The following GDF10 variants were observed in gnomAD, a reference collection of about 807,000 sequenced individuals.
GDF10 encodes the protein growth differentiation factor 10.
A neutral mutation model predicts 32.1 loss-of-function variants in GDF10; 23 were observed. The observed-to-expected ratio is 0.72, with a 90% confidence interval of 0.52 to 1.02. The LOEUF (loss-of-function observed/expected upper bound fraction) is 1.02, where lower values mean the gene tolerates loss of function less well. Ranked by LOEUF, GDF10 falls within the 50% of genes least tolerant of loss-of-function variation. The pLI, the probability that GDF10 is intolerant of heterozygous loss-of-function variation, is 0.00. For synonymous variants in GDF10, 328 were observed against 303.1 expected (o/e 1.08, Z -0.85); for missense variants, 764 against 673.9 (o/e 1.13, Z -1.48).
rs1250199304 is a variant in GDF10 at position 47,300,231 on chromosome 10, G to C, written c.-421G>C. 1.3e-5 allele frequency among the ~76,000 whole-genome samples: 2 copies of C among 151,764 alleles called. No individual in the cohort carries two copies. Among genetic ancestry groups the C allele is most frequent in the Admixed American group, 1.3e-4 (2 of 15,226 alleles). On this transcript the variant is annotated 5_prime_UTR_variant, in exon 1 of 3. Transcript: ENST00000580279. The stretch of plus-strand genomic sequence containing the variant: ...CGCACGCACACGGCAGCCGGGCCAG[G>C]GACGACCCTGTCAGCTGCAGCCCCA...
chr10:47,310,162 A>C lies in GDF10; in HGVS notation c.686A>C (p.Glu229Ala). 1 of 1,612,076 alleles carries C rather than the reference A, an allele frequency of 6.2e-7. No homozygotes were observed. Among genetic ancestry groups the C allele is most frequent in the Non-Finnish European group, 8.5e-7 (1 of 1,179,474 alleles). Residue 229 changes from glutamate (E) to alanine (A), a missense_variant, in exon 2 of 3, where the codon GAG (glutamate) becomes GCG (alanine). By Grantham distance (107) the Glu-to-Ala change is moderately radical. Transcript: ENST00000580279. ...LLLSAQLDSE[E>A]RDPGVPRPSP... ...CTCTCCGCCCAGCTGGATTCTGAGG[A>C]GAGGGACCCGGGGGTGCCCCGGCCC...
chr10:47,312,561 G>C (rs376936620), intron 2 of GDF10, 40 bp from the exon 3 acceptor site: 67 of 1,388,478 alleles, frequency 4.8e-5, no homozygotes, highest in Non-Finnish European at 6.6e-5. Flanking sequence ...GGTGGGTGAG[G>C]GCGGAGCTGA....
rs1189859487 is a variant in GDF10, at chr10:47,300,352, A to G, written c.-300A>G. 1 of 303,464 alleles carries G rather than the reference A, an allele frequency of 3.3e-6. No homozygotes were observed. The highest frequency in any genetic ancestry group is 6.0e-6 in the Non-Finnish European group (1 of 166,138). 18.8% of individuals were successfully genotyped at this position (303,464 alleles called of 1,614,324 possible). A position where few individuals can be genotyped will look rare whatever the true frequency, so the allele number is the denominator to read the frequency against. On this transcript the variant is annotated 5_prime_UTR_variant, in exon 1 of 3. Coordinates refer to ENST00000580279, the MANE Select transcript of GDF10 (RefSeq NM_004962.5). ...CCGGGCCGGGCGCGCAGTGGGCTAC[A>G]AACTTTCGCGGCGCGAGTCCGCCAA...
At position 47,310,507 on chromosome 10, in the gene GDF10, GC is replaced by G. The variant is rs1555207641; in HGVS notation, c.1033del (p.Gln345ArgfsTer37). The stretch of plus-strand genomic sequence containing the variant: ...GGGCGCAAAGACCGCAGGAAGAAGG[GC>G]CAGGAGGTGTTCATGGCCGCCTCGC... ...RPGRKDRRKKGQEVFMAASQV... is the reference protein window; with the variant it reads ...RPGRKDRRKKXQEVFMAASQV... On this transcript the variant is annotated frameshift_variant, in exon 2 of 3. Transcript: ENST00000580279. LOFTEE classifies it high-confidence loss of function. 6.2e-7 allele frequency: 1 copy of G among 1,613,856 alleles called. No individual in the cohort carries two copies. The highest frequency in any genetic ancestry group is 1.1e-5 in the South Asian group (1 of 91,070).
Position 47,300,476 on chromosome 10 carries a change from G to C in GDF10, c.-176G>C. 1 of 542,232 alleles carries C rather than the reference G, an allele frequency of 1.8e-6. No homozygotes were observed. Among genetic ancestry groups the C allele is most frequent in the Non-Finnish European group, 3.1e-6 (1 of 320,864 alleles). The allele number at this position is 542,232 out of a possible 1,614,324, so 33.6% of individuals were successfully genotyped here. A position where few individuals can be genotyped will look rare whatever the true frequency, so the allele number is the denominator to read the frequency against. ...GGCCGCCGGTACCCACGGACCGCGC[G>C]CCCGGGTGCCTGCTCCGCTAAGCCC... On this transcript the variant is annotated 5_prime_UTR_variant, in exon 1 of 3. Transcript: ENST00000580279.
In GDF10 at chr10:47,310,359, A is replaced by G; in HGVS notation, c.883A>G (p.Thr295Ala). ...CCGCGTGCGCCGAGCCGCGCAGGCC[A>G]CTGGGCCCCTCCAGGACAACGAGCT... ...DPRVRRAAQATGPLQDNELPG... is the reference protein window; with the variant it reads ...DPRVRRAAQAAGPLQDNELPG... The change falls in exon 2 of 3, where the codon ACT becomes GCT. Residue 295 changes from threonine (T) to alanine (A), a missense_variant. Thr to Ala is a moderately conservative substitution (Grantham distance 58, BLOSUM62 0). Transcript: ENST00000580279. 2 of 1,606,940 alleles carry G rather than the reference A, an allele frequency of 1.2e-6. No homozygotes were observed. Among genetic ancestry groups the G allele is most frequent in the Non-Finnish European group, 8.5e-7 (1 of 1,177,522 alleles).
intron 1 of GDF10, among the ~76,000 whole-genome samples, chr10:47,307,094 T>C (rs1331254122): frequency 1.3e-5 from 2 of 152,092 alleles, no homozygotes; most frequent in East Asian, 3.9e-4. Context: ...ATTACCAGTC[T>C]GTCTCCCCTC....
chr10:47,308,615 C>T (rs1234136942), intron 1 of GDF10, among the ~76,000 whole-genome samples: 3 of 152,146 alleles, frequency 2.0e-5, no homozygotes, highest in Non-Finnish European at 4.4e-5. Flanking sequence ...GGCCCTGACC[C>T]ATGCCCCTAG....
chr10:47,300,891 C>A lies in GDF10; in HGVS notation c.240C>A (p.His80Gln). The change falls in exon 1 of 3, where the codon CAC becomes CAA. Residue 80 changes from histidine to glutamine, a missense_variant. By Grantham distance (24) the His-to-Gln change is conservative. Transcript: ENST00000580279. ...SAQDMVAVHM[H>Q]RLYEKYSRQG... is the part of the protein sequence containing the mutation. ...AGGACATGGTCGCTGTCCACATGCA[C>A]AGGCTCTATGAGAAGTACAGCCGGC... is the stretch of plus-strand genomic sequence containing the variant. 6.3e-7 allele frequency: 1 copy of A among 1,588,238 alleles called. No individual in the cohort carries two copies.
chr10:47,305,514 C>T (rs782114892), intron 1 of GDF10, among the ~76,000 whole-genome samples: 39 of 152,310 alleles, frequency 2.6e-4, no homozygotes, highest in Middle Eastern at 3.4e-3. Flanking sequence ...CACCGTCTGG[C>T]CCACCGCCCC....
At chr10:47,308,989 C>A (rs1396179754) in intron 1 of GDF10, among the ~76,000 whole-genome samples, 7 of 152,168 alleles carry the variant, frequency 4.6e-5, no homozygotes, top group Non-Finnish European at 8.8e-5. Context: ...TTCCACCAGG[C>A]AAATAGGAAG....
At chr10:47,303,917 G>C (rs1242343240) in intron 1 of GDF10, among the ~76,000 whole-genome samples, 1 of 152,206 alleles carries the variant, frequency 6.6e-6, no homozygotes, top group Non-Finnish European at 1.5e-5. Flanking sequence ...AGCTCAGGGA[G>C]CACAAAGATG....
In GDF10 at chr10:47,300,775, G is replaced by T; in HGVS notation, c.124G>T (p.Ala42Ser). Residue 42 changes from alanine to serine, a missense_variant, in exon 1 of 3, where the codon GCA becomes TCA. Physicochemically the swap from Ala to Ser is moderately conservative, Grantham distance 99. Transcript: ENST00000580279. ...CAGCCACAGGGCCCCCGCCTGGTCC[G>T]CACTGCCCGCGGCCGCCGACGGCCT... ...AGSHRAPAWS[A>S]LPAAADGLQG... 7 of 1,568,568 alleles carry T rather than the reference G, an allele frequency of 4.5e-6. No homozygotes were observed. In the South Asian group the frequency reaches 5.7e-5, roughly 13 times the overall value.
chr10:47,309,673 C>CG (rs2061035842), intron 1 of GDF10, 123 bp from the exon 2 acceptor site: 2 of 660,972 alleles, frequency 3.0e-6, no homozygotes, highest in Non-Finnish European at 5.4e-6. Flanking sequence ...GGAAGCAAAG[C>CG]GGGGGAGGAG....
At chr10:47,303,000 G>A (rs2061009839) in intron 1 of GDF10, among the ~76,000 whole-genome samples, 3 of 152,180 alleles carry the variant, frequency 2.0e-5, no homozygotes, top group Admixed American at 6.5e-5. Flanking sequence ...GGATTAAATG[G>A]GCTAAGCAGG....
intron 1 of GDF10, among the ~76,000 whole-genome samples, chr10:47,307,482 G>A (rs2061027105): frequency 6.6e-6 from 1 of 152,168 alleles, no homozygotes; most frequent in African/African-American, 2.4e-5. Context: ...ACAGCCTGGA[G>A]CCCCCTGCAC....
rs74968084 is a variant in GDF10 at position 47,308,016 on chromosome 10, G to C, written c.320-1780G>C. 5.1e-3 allele frequency among the ~76,000 whole-genome samples: 779 copies of C among 152,346 alleles called. 10 individuals are homozygous for C. Among genetic ancestry groups the C allele is most frequent in the African/African-American group, 0.017 (723 of 41,570 alleles). ...AGGCAGATGGGGAAAGCAAGGTTCA[G>C]GGCGTGGCGCCACTGAGTCCTGGGA... On this transcript the variant is annotated intron_variant, in intron 1 of 2. Coordinates refer to ENST00000580279, the MANE Select transcript of GDF10 (RefSeq NM_004962.5).
At chr10:47,303,716 C>T (rs1220722295) in intron 1 of GDF10, among the ~76,000 whole-genome samples, 1 of 152,114 alleles carries the variant, frequency 6.6e-6, no homozygotes, top group Non-Finnish European at 1.5e-5. Flanking sequence ...GTTAGACCAC[C>T]CCTAATTCCC....
chr10:47,304,129 G>A (rs369360203), intron 1 of GDF10, among the ~76,000 whole-genome samples: 1 of 152,220 alleles, frequency 6.6e-6, no homozygotes, highest in Non-Finnish European at 1.5e-5. Flanking sequence ...TTGAAGGGCA[G>A]GTGGGCCTTA....
Sources: gnomAD v4.1 joint callset for allele counts (sites outside exome capture counted in the v4.1 genomes callset) on GRCh38, gnomAD v4.1.1 for gene constraint, MANE v1.5 for transcripts, NCBI Gene and HGNC (gene_info 2026-07-23, HGNC 2026-07-21) for gene names.